Variants in ATP8B1 observed in about 807,000 individuals in gnomAD.
ATP8B1 encodes phospholipid-transporting ATPase IC.
In ATP8B1, 80 loss-of-function variants were observed where a neutral mutation model predicts 149.9. The observed-to-expected ratio is 0.53, with a 90% CI of 0.45 to 0.64. The LOEUF is 0.64. Among genes scored for constraint, ATP8B1 ranks in the 30% least tolerant of loss-of-function variants. The pLI is 0.00. For synonymous variants in ATP8B1, 536 were observed against 562.8 expected (o/e 0.95, Z 0.67); for missense variants, 1,247 against 1,552.6 (o/e 0.80, Z 3.31).
At chr18:57,677,432 C>A (rs1401735263) in intron 15 of ATP8B1, among the ~76,000 whole-genome samples, 1 of 152,114 alleles carries the variant, frequency 6.6e-6, no homozygotes, top group African/African-American at 2.4e-5. Context: ...TGACTTTGGA[C>A]AGAAAGAGCA....
chr18:57,669,386 T>A lies in ATP8B1; in HGVS notation c.2029A>T (p.Ser677Cys), dbSNP rs746682528. 1.2e-6 allele frequency: 2 copies of A among 1,614,056 alleles called. No individual in the cohort carries two copies. The highest frequency in any genetic ancestry group is 4.5e-5 in the East Asian group (2 of 44,866). The change falls in exon 18 of 28, where the codon AGT becomes TGT. Residue 677 changes from serine (S) to cysteine (C), a missense_variant. Physicochemically the swap from Ser to Cys is moderately radical, Grantham distance 112. Coordinates refer to ENST00000648908, the MANE Select transcript of ATP8B1 (RefSeq NM_001374385.1). ...TCGTCCCGGTTGGTGGAGGCCACAC[T>A]GGCAGCCATAAACTTTTTATTCCAT... ...TEWNKKFMAA[S>C]VASTNRDEAL...
chr18:57,682,057 T>C (rs889448510), intron 15 of ATP8B1, among the ~76,000 whole-genome samples: 3 of 151,378 alleles, frequency 2.0e-5, no homozygotes, highest in Non-Finnish European at 2.9e-5. Context: ...CAGGCTGTAG[T>C]GCAGTGGCGT....
intron 23 of ATP8B1, 76 bp downstream of exon 23, chr18:57,655,114 AAATT>A: frequency 7.6e-7 from 1 of 1,321,540 alleles, no homozygotes; most frequent in Admixed American, 1.8e-5. Flanking sequence ...TAGAAGAAAT[AAATT>A]GTCTTTTCAG....
intron 2 of ATP8B1, among the ~76,000 whole-genome samples, chr18:57,727,760 C>T (rs1310759145): frequency 6.6e-6 from 1 of 152,162 alleles, no homozygotes; most frequent in Non-Finnish European, 1.5e-5. Context: ...GCTCTCCAGT[C>T]TGGGCGACAG....
Position 57,732,161 on chromosome 18 carries a change from A to ATATG in ATP8B1, c.-25-330_-25-329insCATA, listed in dbSNP as rs1568044006. 17 of 27,474 alleles carry ATATG rather than the reference A, an allele frequency of 6.2e-4. 1 individual carries two copies. Among genetic ancestry groups the ATATG allele is most frequent in the African/African-American group, 2.2e-3 (17 of 7,872 alleles). 1.7% of individuals were successfully genotyped at this position (27,474 alleles called of 1,614,324 possible). ...TATATATGTGTATATATGTATATATATGTATATATGTATATATGTGTATAT... is the reference window on the plus strand; with the variant it reads ...TATATATGTGTATATATGTATATATATATGTGTATATATGTATATATGTGTATAT... On this transcript the variant is annotated intron_variant, in intron 1 of 27. Coordinates refer to ENST00000648908, the MANE Select transcript of ATP8B1 (RefSeq NM_001374385.1).
intron 17 of ATP8B1, 89 bp from the exon 18 acceptor site, chr18:57,669,571 AAT>A (rs2122712454): frequency 8.3e-7 from 1 of 1,202,764 alleles, no homozygotes; most frequent in Non-Finnish European, 1.2e-6. Flanking sequence ...ACTTTGAAGT[AAT>A]ATACTAACAG....
chr18:57,661,183 T>C lies in ATP8B1; in HGVS notation c.2698A>G (p.Met900Val), dbSNP rs1185657094. The change falls in exon 22 of 28, where the codon ATG becomes GTG. Residue 900 changes from methionine (M) to valine (V), a missense_variant. Physicochemically the swap from Met to Val is conservative, Grantham distance 21. Coordinates refer to ENST00000648908, the MANE Select transcript of ATP8B1 (RefSeq NM_001374385.1). ...AIGDGANDVN[M>V]IKTAHIGVGI... ...TGGGTGCATGACTCACTTTTGATCA[T>C]GTTCACGTCATTGGCCCCATCTCCG... 2 of 1,613,808 alleles carry C rather than the reference T, an allele frequency of 1.2e-6. No homozygotes were observed. Among genetic ancestry groups the C allele is most frequent in the Non-Finnish European group, 1.7e-6 (2 of 1,180,030 alleles).
At chr18:57,661,020 C>G (rs560671270) in intron 22 of ATP8B1, among the ~76,000 whole-genome samples, 154 bp downstream of exon 22, 1 of 152,314 alleles carries the variant, frequency 6.6e-6, no homozygotes, top group African/African-American at 2.4e-5. Flanking sequence ...GGTAGGGTCA[C>G]AGGCGTTGTC....
At chr18:57,662,357 C>A in intron 21 of ATP8B1, 126 bp downstream of exon 21, 1 of 1,171,750 alleles carries the variant, frequency 8.5e-7, no homozygotes, top group Non-Finnish European at 1.2e-6. Flanking sequence ...CTTGGAAAAA[C>A]CACACTTTCA....
intron 17 of ATP8B1, 66 bp from the exon 18 acceptor site, chr18:57,669,548 A>T: frequency 6.8e-7 from 1 of 1,476,128 alleles, no homozygotes; most frequent in Admixed American, 2.0e-5. Flanking sequence ...TTCAGGATCA[A>T]GTCTGAAATT....
At chr18:57,776,318 G>A (rs182043125) in intron 1 of ATP8B1, among the ~76,000 whole-genome samples, 15 of 152,356 alleles carry the variant, frequency 9.8e-5, no homozygotes, top group African/African-American at 3.4e-4. Flanking sequence ...TAAAGGTAAT[G>A]ACTGTAATAG....
chr18:57,761,379 C>T (rs774103078), intron 1 of ATP8B1, among the ~76,000 whole-genome samples: 3 of 152,148 alleles, frequency 2.0e-5, no homozygotes, highest in Admixed American at 6.6e-5. Flanking sequence ...CATGGCACCA[C>T]GAGCAGTACG....
intron 24 of ATP8B1, among the ~76,000 whole-genome samples, chr18:57,653,247 T>C (rs1250636231): frequency 1.3e-5 from 2 of 151,832 alleles, no homozygotes; most frequent in Non-Finnish European, 2.9e-5. Flanking sequence ...TGGAGACATA[T>C]TGGACTCTCG....
At chr18:57,716,815 C>T (rs1288024035) in intron 2 of ATP8B1, among the ~76,000 whole-genome samples, 2 of 152,290 alleles carry the variant, frequency 1.3e-5, no homozygotes, top group East Asian at 3.9e-4. Context: ...ACTTAATCTG[C>T]ACTATAGACC....
chr18:57,667,274 G>A (rs1054627571), intron 19 of ATP8B1, 107 bp from the exon 20 acceptor site: 20 of 901,022 alleles, frequency 2.2e-5, no homozygotes, highest in Non-Finnish European at 3.0e-5. Flanking sequence ...CTGGAGTGCA[G>A]TGGCACAATC....
At chr18:57,756,889 A>G (rs1265604535) in intron 1 of ATP8B1, among the ~76,000 whole-genome samples, 2 of 152,104 alleles carry the variant, frequency 1.3e-5, no homozygotes, top group Non-Finnish European at 2.9e-5. Flanking sequence ...TCTCCACTGT[A>G]TGTATTTTTT....
In ATP8B1 at chr18:57,706,512, CA is replaced by C; in HGVS notation, c.256del (p.Cys86ValfsTer25). ...QPHFMNTKFL[C>X]IKESKYANNA... ...CACCGCATATTTACTCTCCTTAATACACAAGAATTTTGTGTTCATAAAGTGA... is the reference window on the plus strand; with the variant it reads ...CACCGCATATTTACTCTCCTTAATACCAAGAATTTTGTGTTCATAAAGTGA... On this transcript the variant is annotated frameshift_variant, in exon 3 of 28. Transcript: ENST00000648908. LOFTEE classifies it high-confidence loss of function. 1 of 1,613,894 alleles carries C rather than the reference CA, an allele frequency of 6.2e-7. No homozygotes were observed. The highest frequency in any genetic ancestry group is 8.5e-7 in the Non-Finnish European group (1 of 1,179,860).
At chr18:57,796,884 C>T (rs1455316616) in intron 1 of ATP8B1, among the ~76,000 whole-genome samples, 1 of 152,170 alleles carries the variant, frequency 6.6e-6, no homozygotes, top group Non-Finnish European at 1.5e-5. Context: ...ATCTCTTGAC[C>T]TCATGATCTG....
intron 24 of ATP8B1, among the ~76,000 whole-genome samples, chr18:57,652,978 T>C (rs143539620): frequency 3.8e-4 from 58 of 152,290 alleles, no homozygotes; most frequent in African/African-American, 1.3e-3. Flanking sequence ...TTGCTACTTA[T>C]GGAAAGAAAA....
Sources: gnomAD v4.1 joint callset for allele counts (sites outside exome capture counted in the v4.1 genomes callset) on GRCh38, gnomAD v4.1.1 for gene constraint, MANE v1.5 for transcripts, NCBI Gene and HGNC (gene_info 2026-07-23, HGNC 2026-07-21) for gene names.